The following MAGED2 variants were observed in gnomAD, a reference collection of about 807,000 sequenced individuals.
MAGED2 encodes MAGE family member D2.
A neutral mutation model predicts 41.7 loss-of-function variants in MAGED2; 6 were observed. That is an observed-to-expected ratio of 0.14 (90% CI 0.08 to 0.28). The LOEUF is 0.28. Among genes scored for constraint, MAGED2 ranks in the 10% least tolerant of loss-of-function variants. The pLI, the probability that MAGED2 is intolerant of heterozygous loss-of-function variation, is 1.00. For missense variants in MAGED2, 343 were observed against 486.4 expected (o/e 0.71, Z 2.77); for synonymous variants, 146 against 178.2 (o/e 0.82, Z 1.44).
intron 11 of MAGED2, 123 bp downstream of exon 11, chrX:54,814,898 A>G (rs1929914118): frequency 2.0e-6 from 1 of 504,276 alleles, no homozygotes; most frequent in Admixed American, 3.3e-5. Context: ...GTTAATTGTC[A>G]AAACACTGTA....
Position 54,809,861 on chromosome X carries a change from GGGTCTCAAAGGCCACAGA to G in MAGED2, c.196_213del (p.Ala66_Lys71del). 50 of 1,191,295 alleles carry G rather than the reference GGGTCTCAAAGGCCACAGA, an allele frequency of 4.2e-5. No homozygotes were observed. The highest frequency in any genetic ancestry group is 5.3e-5 in the Non-Finnish European group (47 of 885,326). On this transcript the variant is annotated inframe_deletion, in exon 3 of 13. Coordinates refer to ENST00000375068, the MANE Select transcript of MAGED2 (RefSeq NM_177433.3). Reference sequence around the variant, plus strand: ...GATGTGAAGGTCTCAAAAGCCTCTGGGGTCTCAAAGGCCACAGAGGTCTCAAAGACCCCAGAGGCTCGG... The same window carrying G: ...GATGTGAAGGTCTCAAAAGCCTCTGGGGTCTCAAAGACCCCAGAGGCTCGG...
At chrX:54,810,641 A>G (rs1929772155) in intron 3 of MAGED2, among the ~76,000 whole-genome samples, 180 bp from the exon 4 acceptor site, 1 of 112,093 alleles carries the variant, frequency 8.9e-6, no homozygotes, top group Admixed American at 9.4e-5. Context: ...TGCTAGGCAG[A>G]TGAAACACCT....
chrX:54,810,299 G>GATGAGCACAGGGATCTT, intron 3 of MAGED2, 86 bp downstream of exon 3: 1 of 602,145 alleles, frequency 1.7e-6, no homozygotes, highest in Non-Finnish European at 2.5e-6. Flanking sequence ...AAAGATCCCT[G>GATGAGCACAGGGATCTT]TGCTCATCAG....
Position 54,814,726 on chromosome X carries a change from G to A in MAGED2, c.1337G>A (p.Arg446His). ...PPEYEFFWGL[R>H]SYYETSKMKV... ...GAATATGAGTTCTTCTGGGGCCTGCGCTCTTACTATGAGACCAGCAAGATG... is the reference window on the plus strand; with the variant it reads ...GAATATGAGTTCTTCTGGGGCCTGCACTCTTACTATGAGACCAGCAAGATG... The change falls in exon 11 of 13, where the codon CGC becomes CAC. Residue 446 changes from arginine to histidine, a missense_variant. Physicochemically the swap from Arg to His is conservative, Grantham distance 29 (BLOSUM62 0). Transcript: ENST00000375068. 2 of 1,211,268 alleles carry A rather than the reference G, an allele frequency of 1.7e-6. No individual in the cohort carries two copies. The highest frequency in any genetic ancestry group is 2.2e-6 in the Non-Finnish European group (2 of 895,063).
In MAGED2 at chrX:54,807,758, G is replaced by A. The variant is rs1245715795; in HGVS notation, c.-74G>A. The A allele has an allele frequency of 8.9e-6, 1 of 112,899 alleles. No homozygotes were observed. Among genetic ancestry groups the A allele is most frequent in the African/African-American group, 3.3e-5 (1 of 30,683 alleles). The allele number at this position is 112,899 out of a possible 1,213,427, so 9.3% of individuals were successfully genotyped here. ...GTCCAGGAGGCTGAGACTTCGAGAGGGACTTAGAGAAGGCAGACGCATCCC... is the reference window on the plus strand; with the variant it reads ...GTCCAGGAGGCTGAGACTTCGAGAGAGACTTAGAGAAGGCAGACGCATCCC... On this transcript the variant is annotated 5_prime_UTR_variant, in exon 1 of 13. Transcript: ENST00000375068.
At chrX:54,809,557 G>T (rs1041931257) in intron 2 of MAGED2, among the ~76,000 whole-genome samples, 165 bp from the exon 3 acceptor site, 1 of 111,525 alleles carries the variant, frequency 9.0e-6, no homozygotes, top group African/African-American at 3.3e-5. Flanking sequence ...TCTGCCATCA[G>T]TTCTTGCTCA....
intron 11 of MAGED2, 41 bp downstream of exon 11, chrX:54,814,816 G>A (rs778157847): frequency 2.5e-5 from 26 of 1,040,941 alleles, no homozygotes; most frequent in Middle Eastern, 2.6e-4. Flanking sequence ...TCAAGAGCAT[G>A]GGGTGCCCCT....
chrX:54,814,188 G>A (rs1320603535), intron 10 of MAGED2, among the ~76,000 whole-genome samples: 4 of 112,732 alleles, frequency 3.5e-5, no homozygotes, highest in Non-Finnish European at 5.6e-5. Context: ...TTGGTCCTTG[G>A]AGGACATGCA....
In MAGED2 at chrX:54,809,471, C is replaced by T. The variant is rs937962143; in HGVS notation, c.45+95C>T. Reference sequence around the variant, plus strand: ...TTGGCTCTTCCCCTCCCATCCTTGTCCTTCTCCACCTACTTTCCTGCCTGG... The same window carrying T: ...TTGGCTCTTCCCCTCCCATCCTTGTTCTTCTCCACCTACTTTCCTGCCTGG... On this transcript the variant is annotated intron_variant, in intron 2 of 12. Coordinates refer to ENST00000375068, the MANE Select transcript of MAGED2 (RefSeq NM_177433.3). 3.7e-5 allele frequency: 35 copies of T among 944,229 alleles called. 1 individual carries two copies. In the South Asian group the frequency reaches 6.8e-4, roughly 18 times the overall value. The allele number at this position is 944,229 out of a possible 1,213,427, so 77.8% of individuals were successfully genotyped here. A position where few individuals can be genotyped will look rare whatever the true frequency, so the allele number is the denominator to read the frequency against.
chrX:54,810,800 G>A, intron 3 of MAGED2, 21 bp from the exon 4 acceptor site: 2 of 1,142,085 alleles, frequency 1.8e-6, no homozygotes, highest in Non-Finnish European at 1.2e-6. Flanking sequence ...GTGACGTTGA[G>A]CTTCCTCTCT....
At chrX:54,811,943 C>T (rs1929820765) in intron 6 of MAGED2, among the ~76,000 whole-genome samples, 1 of 112,193 alleles carries the variant, frequency 8.9e-6, no homozygotes, top group African/African-American at 3.2e-5. Flanking sequence ...ATTCCCCATT[C>T]TCTGTCTCCC....
intron 9 of MAGED2, 30 bp from the exon 10 acceptor site, chrX:54,813,458 G>T (rs1241070334): frequency 8.6e-7 from 1 of 1,159,104 alleles, no homozygotes; most frequent in Non-Finnish European, 1.2e-6. Flanking sequence ...GAATTTATTT[G>T]TTTATTTATT....
At chrX:54,810,518 C>A (rs148942187) in intron 3 of MAGED2, among the ~76,000 whole-genome samples, 56 of 111,926 alleles carry the variant, frequency 5.0e-4, no homozygotes, top group African/African-American at 1.7e-3. Flanking sequence ...GAGAAGGAAG[C>A]TGAGTTCCAG....
At chrX:54,814,302 T>G (rs1241885099) in intron 10 of MAGED2, 2 of 378,821 alleles carry the variant, frequency 5.3e-6, no homozygotes, top group African/African-American at 5.0e-5. Flanking sequence ...TCCTCTGTAG[T>G]CTTTCTGGTC....
intron 1 of MAGED2, 140 bp from the exon 2 acceptor site, chrX:54,809,163 G>A: frequency 2.1e-6 from 1 of 471,671 alleles, no homozygotes; most frequent in Non-Finnish European, 3.8e-6. Flanking sequence ...TTGAATTCCT[G>A]TATCTGAGAA....
At chrX:54,809,209 G>T in intron 1 of MAGED2, 94 bp from the exon 2 acceptor site, 7 of 601,130 alleles carry the variant, frequency 1.2e-5, no homozygotes, top group Non-Finnish European at 1.1e-5. Flanking sequence ...GGTTGGAATT[G>T]GGGACCTACG....
chrX:54,814,887 T>C lies in MAGED2; in HGVS notation c.1386+112T>C, dbSNP rs1602079868. On this transcript the variant is annotated intron_variant, in intron 11 of 12. Coordinates refer to ENST00000375068, the MANE Select transcript of MAGED2 (RefSeq NM_177433.3). ...TCAAATCTGAATGTTTTGGTGCTTC[T>C]GTTAATTGTCAAAACACTGTAACAG... 7.4e-6 allele frequency: 4 copies of C among 544,043 alleles called. No homozygotes were observed. In the East Asian group the frequency reaches 1.4e-4, roughly 19 times the overall value. 44.8% of individuals were successfully genotyped at this position (544,043 alleles called of 1,213,427 possible).
At chrX:54,811,372 A>G in intron 5 of MAGED2, 59 bp downstream of exon 5, 1 of 1,077,026 alleles carries the variant, frequency 9.3e-7, no homozygotes, top group Middle Eastern at 2.5e-4. Flanking sequence ...CCCTTACACC[A>G]TTGTGCTGGG....
chrX:54,815,287 C>T lies in MAGED2; in HGVS notation c.1426C>T (p.Arg476Ter), dbSNP rs1249585923. 8.6e-7 allele frequency: 1 copy of T among 1,165,781 alleles called. No homozygotes were observed. The highest frequency in any genetic ancestry group is 2.7e-5 in the Admixed American group (1 of 37,568). The change falls in exon 12 of 13, where the codon CGA (arginine) becomes TGA (stop). Residue 476 changes from arginine (R) to a stop codon, truncating the protein, a stop_gained. Coordinates refer to ENST00000375068, the MANE Select transcript of MAGED2 (RefSeq NM_177433.3). LOFTEE classifies it high-confidence loss of function. ...TCCCAAGGAATGGGCAGCTCAGTAC[C>T]GAGAGGCGATGGAAGCGGATTTGAA... ...KDPKEWAAQY[R>*]EAMEADLKAA... is the part of the protein sequence containing the mutation.
Sources: allele counts gnomAD v4.1 joint callset (sites outside exome capture counted in the v4.1 genomes callset), GRCh38; gene constraint gnomAD v4.1.1; transcripts MANE v1.5; gene names NCBI Gene and HGNC (gene_info 2026-07-23, HGNC 2026-07-21).